UVRAG: variants seen among roughly 807,000 people sequenced by gnomAD.
UVRAG encodes UV radiation resistance associated.
Under a neutral mutation model 78.0 loss-of-function variants are expected in UVRAG, and 19 were observed. The ratio of observed to expected loss-of-function variants is 0.24; its 90% CI spans 0.17 to 0.36. The LOEUF is 0.36. Ranked by LOEUF, UVRAG falls within the 10% of genes least tolerant of loss-of-function variation. The probability of loss-of-function intolerance (pLI) is 1.00; values close to 1 mark genes in which losing one functional copy is unlikely to be tolerated. For missense variants in UVRAG, 740 were observed against 853.8 expected (o/e 0.87, Z 1.66); for synonymous variants, 323 against 324.6 (o/e 1.00, Z 0.05).
At chr11:75,975,727 A>T (rs1949224656) in intron 7 of UVRAG, among the ~76,000 whole-genome samples, 1 of 152,156 alleles carries the variant, frequency 6.6e-6, no homozygotes, top group East Asian at 1.9e-4. Context: ...GTATCCTGAG[A>T]CTTTGCTGCA....
At chr11:75,838,789 G>C (rs1371886095) in intron 1 of UVRAG, among the ~76,000 whole-genome samples, 1 of 152,194 alleles carries the variant, frequency 6.6e-6, no homozygotes, top group Non-Finnish European at 1.5e-5. Flanking sequence ...GAGAGGTAGG[G>C]TCTTTAAGAG....
intron 1 of UVRAG, among the ~76,000 whole-genome samples, chr11:75,826,825 A>G: frequency 6.6e-6 from 1 of 151,492 alleles, no homozygotes; most frequent in South Asian, 2.1e-4. Flanking sequence ...ATTGCTGTAG[A>G]CCCTATGTGG....
intron 8 of UVRAG, among the ~76,000 whole-genome samples, chr11:75,994,622 T>C (rs1422938578): frequency 6.6e-6 from 1 of 152,206 alleles, no homozygotes; most frequent in Non-Finnish European, 1.5e-5. Flanking sequence ...TCTTAAGATA[T>C]CTTTTTTACC....
chr11:76,070,759 T>C (rs1474649639), intron 13 of UVRAG, among the ~76,000 whole-genome samples: 1 of 152,118 alleles, frequency 6.6e-6, no homozygotes, highest in Non-Finnish European at 1.5e-5. Context: ...AAAGGACAAA[T>C]ATTGTAGCGT....
intron 7 of UVRAG, among the ~76,000 whole-genome samples, chr11:75,964,172 A>C (rs768204160): frequency 6.6e-6 from 1 of 152,220 alleles, no homozygotes; most frequent in African/African-American, 2.4e-5. Context: ...GAAATTGTGC[A>C]TATGTATTTA....
At chr11:75,906,026 C>T (rs568185425) in intron 5 of UVRAG, among the ~76,000 whole-genome samples, 1 of 151,986 alleles carries the variant, frequency 6.6e-6, no homozygotes, top group East Asian at 1.9e-4. Flanking sequence ...TCTTGCAGTT[C>T]TTTGCCCATT....
intron 13 of UVRAG, among the ~76,000 whole-genome samples, chr11:76,082,231 T>C (rs1467416711): frequency 2.6e-5 from 4 of 152,096 alleles, no homozygotes; most frequent in Non-Finnish European, 5.9e-5. Flanking sequence ...ATATGCATAT[T>C]ATATCTTGCC....
chr11:75,942,256 T>C (rs1948498816), intron 6 of UVRAG: 1 of 153,254 alleles, frequency 6.5e-6, no homozygotes, highest in African/African-American at 2.4e-5. Context: ...AATAATTTCA[T>C]TGGAACTCTG....
At chr11:75,987,307 ATTGT>A (rs1159137416) in intron 8 of UVRAG, among the ~76,000 whole-genome samples, 19 of 152,168 alleles carry the variant, frequency 1.2e-4, no homozygotes, top group Non-Finnish European at 2.9e-5. Flanking sequence ...TGAATATAGC[ATTGT>A]TTCTCATTGT....
At chr11:76,137,849 G>A in intron 14 of UVRAG, 1 of 227,090 alleles carries the variant, frequency 4.4e-6, no homozygotes, top group South Asian at 6.7e-5. Context: ...TGAGGCTGCA[G>A]TGAGCTGTGA....
At chr11:76,070,809 G>A (rs1046040533) in intron 13 of UVRAG, among the ~76,000 whole-genome samples, 93 of 152,272 alleles carry the variant, frequency 6.1e-4, no homozygotes, top group African/African-American at 2.1e-3. Flanking sequence ...AACTCATGGA[G>A]TCAGAAAGCC....
intron 4 of UVRAG, among the ~76,000 whole-genome samples, chr11:75,887,443 C>A (rs917233132): frequency 4.4e-4 from 62 of 140,684 alleles, no homozygotes; most frequent in Non-Finnish European, 7.3e-4. Context: ...GCGTGCCTGG[C>A]GCAGGTTTTT....
At position 75,879,718 on chromosome 11, in the gene UVRAG, C is replaced by T. The variant is rs555877290; in HGVS notation, c.271-161C>T. Reference sequence around the variant, plus strand: ...AAATTCAAAAGTACCATTATCACCCCTTTTGTGTTAATTGTAATGTCTTCT... The same window carrying T: ...AAATTCAAAAGTACCATTATCACCCTTTTTGTGTTAATTGTAATGTCTTCT... On this transcript the variant is annotated intron_variant, in intron 3 of 14. Transcript: ENST00000356136. 6.6e-5 allele frequency among the ~76,000 whole-genome samples: 10 copies of T among 152,260 alleles called. No individual in the cohort carries two copies. The Middle Eastern group carries it at 0.01, about 155-fold the overall frequency.
intron 6 of UVRAG, chr11:75,930,923 G>A (rs1463375744): frequency 3.0e-5 from 3 of 98,490 alleles, no homozygotes; most frequent in Admixed American, 9.8e-5. Flanking sequence ...GTAAAGTGTC[G>A]GGATTTTCTT....
intron 5 of UVRAG, among the ~76,000 whole-genome samples, chr11:75,895,136 C>G: frequency 6.6e-6 from 1 of 152,174 alleles, no homozygotes; most frequent in East Asian, 1.9e-4. Flanking sequence ...AATGACAGAG[C>G]ACATTTTAAA....
chr11:75,909,715 A>G (rs1232725912), intron 5 of UVRAG, among the ~76,000 whole-genome samples: 1 of 152,212 alleles, frequency 6.6e-6, no homozygotes, highest in African/African-American at 2.4e-5. Flanking sequence ...TTTAAATGGT[A>G]GATCAACTAG....
intron 1 of UVRAG, among the ~76,000 whole-genome samples, chr11:75,839,797 GTA>G (rs1945866190): frequency 7.2e-6 from 1 of 138,772 alleles, no homozygotes; most frequent in African/African-American, 2.8e-5. Flanking sequence ...TGCAAGTAGT[GTA>G]TGTGTGTGTG....
At chr11:75,859,355 GAC>G (rs1387831802) in intron 2 of UVRAG, among the ~76,000 whole-genome samples, 1 of 150,382 alleles carries the variant, frequency 6.6e-6, no homozygotes, top group Non-Finnish European at 1.5e-5. Context: ...CAGCCTGGGT[GAC>G]AGAGTGAGAC....
At chr11:76,082,167 C>T (rs1469472962) in intron 13 of UVRAG, among the ~76,000 whole-genome samples, 3 of 152,078 alleles carry the variant, frequency 2.0e-5, no homozygotes, top group Non-Finnish European at 1.5e-5. Context: ...CAGGGGTTTG[C>T]TTTATAATCC....
Sources: gnomAD v4.1 joint callset for allele counts (sites outside exome capture counted in the v4.1 genomes callset) on GRCh38, gnomAD v4.1.1 for gene constraint, MANE v1.5 for transcripts, NCBI Gene and HGNC (gene_info 2026-07-23, HGNC 2026-07-21) for gene names.